HMCN1: variants seen among roughly 807,000 people sequenced by gnomAD.
HMCN1 encodes the protein hemicentin-1.
Under a neutral mutation model 625.9 loss-of-function variants are expected in HMCN1, and 321 were observed. The observed-to-expected ratio is 0.51, with a 90% CI of 0.47 to 0.56. The LOEUF (loss-of-function observed/expected upper bound fraction) is 0.56, where lower values mean the gene tolerates loss of function less well. Among genes scored for constraint, HMCN1 ranks in the 20% least tolerant of loss-of-function variants. HMCN1 has a pLI of 0.00. For missense variants in HMCN1, 6,588 were observed against 6,887.3 expected (o/e 0.96, Z 1.54); for synonymous variants, 2,425 against 2,417.6 (o/e 1.00, Z -0.09).
Position 186,137,621 on chromosome 1 carries a change from A to C in HMCN1, c.13706A>C (p.Gln4569Pro). 6.2e-7 allele frequency: 1 copy of C among 1,614,042 alleles called. No homozygotes were observed. The highest frequency in any genetic ancestry group is 8.5e-7 in the Non-Finnish European group (1 of 1,179,968). The change falls in exon 88 of 107, where the codon CAA (glutamine) becomes CCA (proline). Residue 4569 changes from glutamine (Q) to proline (P), a missense_variant. Transcript: ENST00000271588. ...PLPANGGKPCQGSDLEMRNCQ... is the reference protein window; with the variant it reads ...PLPANGGKPCPGSDLEMRNCQ... ...CCAGCCAATGGTGGGAAGCCCTGCC[A>C]AGGTTCAGATTTGGAAATGCGAAAC...
At chr1:185,993,743 C>T (rs1337465614) in intron 23 of HMCN1, among the ~76,000 whole-genome samples, 1 of 152,146 alleles carries the variant, frequency 6.6e-6, no homozygotes, top group East Asian at 1.9e-4. Flanking sequence ...TCTTTGACTA[C>T]AGCTCCCTAG....
At chr1:185,817,790 GAAAGACTGAGA>G (rs940411824) in intron 1 of HMCN1, among the ~76,000 whole-genome samples, 2 of 152,136 alleles carry the variant, frequency 1.3e-5, no homozygotes, top group African/African-American at 4.8e-5. Flanking sequence ...AAACAGAAAA[GAAAGACTGAGA>G]AAAGCCTAAA....
intron 1 of HMCN1, among the ~76,000 whole-genome samples, chr1:185,757,706 A>G (rs1571310952): frequency 6.6e-6 from 1 of 152,182 alleles, no homozygotes; most frequent in South Asian, 2.1e-4. Context: ...ATCAACTGAT[A>G]TATTTCTAAC....
intron 105 of HMCN1, among the ~76,000 whole-genome samples, chr1:186,185,717 T>C (rs1006733465): frequency 1.3e-5 from 2 of 152,232 alleles, no homozygotes; most frequent in Non-Finnish European, 2.9e-5. Context: ...TGCTTACTTT[T>C]GTATCAAGTC....
At chr1:186,033,341 G>A (rs1194311774) in intron 36 of HMCN1, among the ~76,000 whole-genome samples, 3 of 152,118 alleles carry the variant, frequency 2.0e-5, no homozygotes, top group Non-Finnish European at 4.4e-5. Flanking sequence ...ATTGGGTACA[G>A]CATATACTGT....
intron 57 of HMCN1, 87 bp downstream of exon 57, chr1:186,083,048 A>G (rs1044805039): frequency 1.5e-6 from 1 of 666,096 alleles, no homozygotes; most frequent in Non-Finnish European, 2.5e-6. Flanking sequence ...CTTATTTTGT[A>G]TTTTTTAACT....
At chr1:186,170,835 T>C (rs2102633719) in intron 100 of HMCN1, among the ~76,000 whole-genome samples, 1 of 152,240 alleles carries the variant, frequency 6.6e-6, no homozygotes, top group East Asian at 1.9e-4. Context: ...CAGATGGTGT[T>C]TGGGAAGTAC....
intron 53 of HMCN1, among the ~76,000 whole-genome samples, chr1:186,075,902 T>C (rs1466562404): frequency 1.3e-5 from 2 of 152,178 alleles, no homozygotes; most frequent in African/African-American, 4.8e-5. Context: ...TGCACTCTTT[T>C]AATGCTTTTG....
intron 4 of HMCN1, among the ~76,000 whole-genome samples, chr1:185,904,423 A>G (rs539780355): frequency 6.6e-6 from 1 of 152,030 alleles, no homozygotes; most frequent in South Asian, 2.1e-4. Context: ...ATATTTTTAT[A>G]TAGTGTAACT....
intron 4 of HMCN1, among the ~76,000 whole-genome samples, chr1:185,871,184 G>A (rs1435477781): frequency 2.7e-5 from 4 of 149,906 alleles, no homozygotes; most frequent in Non-Finnish European, 4.4e-5. Context: ...AGCCAAGATC[G>A]TGCCACTGCA....
intron 100 of HMCN1, among the ~76,000 whole-genome samples, chr1:186,170,819 A>G (rs16824998): frequency 0.054 from 8,228 of 152,300 alleles, 253 homozygotes; most frequent in South Asian, 0.088. Flanking sequence ...TTGTTACACT[A>G]TGACCCAGAT....
At chr1:186,019,961 G>A (rs1049654725) in intron 35 of HMCN1, among the ~76,000 whole-genome samples, 3 of 151,820 alleles carry the variant, frequency 2.0e-5, no homozygotes, top group African/African-American at 7.3e-5. Context: ...GCCTAATTTA[G>A]CTGTTAAAAA....
chr1:185,788,115 G>A (rs1657749525), intron 1 of HMCN1, among the ~76,000 whole-genome samples: 1 of 152,194 alleles, frequency 6.6e-6, no homozygotes. Context: ...AGTTTGGTGA[G>A]TTTGAAATGT....
At chr1:185,928,788 T>C (rs1667401771) in intron 10 of HMCN1, 121 bp downstream of exon 10, 5 of 1,094,658 alleles carry the variant, frequency 4.6e-6, no homozygotes, top group Admixed American at 1.7e-5. Flanking sequence ...ATTGTCTATC[T>C]CTCCACTGAA....
rs1318849855 is a variant in HMCN1, at chr1:186,108,601, A to C, written c.10989+4A>C. The C allele has an allele frequency of 6.2e-7, 1 of 1,614,118 alleles. No homozygotes were observed. The highest frequency in any genetic ancestry group is 1.7e-5 in the Admixed American group (1 of 60,030). On this transcript the variant is annotated splice_donor_region_variant and intron_variant, in intron 71 of 106. Transcript: ENST00000271588. ...CAGAAATGGAGAACGGTTACAGGTA[A>C]ATTTTTTGATAAGCTCCACAAATTC...
At chr1:186,166,360 A>G (rs1651879898) in intron 99 of HMCN1, 57 bp downstream of exon 99, 4 of 1,606,032 alleles carry the variant, frequency 2.5e-6, no homozygotes, top group Non-Finnish European at 3.4e-6. Flanking sequence ...TCTTTGACCT[A>G]GAAAAAGTAT....
rs1290584923 is a variant in HMCN1, at chr1:186,095,239, G to A, written c.10295-4G>A. On this transcript the variant is annotated splice_polypyrimidine_tract_variant and splice_region_variant and intron_variant, in intron 67 of 106. Coordinates refer to ENST00000271588, the MANE Select transcript of HMCN1 (RefSeq NM_031935.3). ...AAATTTTGCCCATGTTGTTTTCTAT[G>A]TAGCACCACCAAATATGGACAATTC... is the stretch of plus-strand genomic sequence containing the variant. 1 of 1,613,556 alleles carries A rather than the reference G, an allele frequency of 6.2e-7. No homozygotes were observed. The highest frequency in any genetic ancestry group is 8.5e-7 in the Non-Finnish European group (1 of 1,179,706).
chr1:185,758,040 G>A (rs551415301), intron 1 of HMCN1, among the ~76,000 whole-genome samples: 9 of 152,230 alleles, frequency 5.9e-5, no homozygotes, highest in South Asian at 2.1e-4. Context: ...TTTAAAATAC[G>A]GATAGAAGAG....
intron 48 of HMCN1, among the ~76,000 whole-genome samples, chr1:186,065,024 A>G (rs1393122065): frequency 6.6e-6 from 1 of 152,140 alleles, no homozygotes; most frequent in African/African-American, 2.4e-5. Flanking sequence ...TACATTTGAA[A>G]ATGATTTATA....
Sources: gnomAD v4.1 joint callset for allele counts (sites outside exome capture counted in the v4.1 genomes callset) on GRCh38, gnomAD v4.1.1 for gene constraint, MANE v1.5 for transcripts, NCBI Gene and HGNC (gene_info 2026-07-23, HGNC 2026-07-21) for gene names.